CA10: variants seen among roughly 807,000 people sequenced by gnomAD.
The protein encoded by CA10 is carbonic anhydrase-related protein 10.
A neutral mutation model predicts 44.2 loss-of-function variants in CA10; 14 were observed. The ratio of observed to expected loss-of-function variants is 0.32; its 90% confidence interval spans 0.21 to 0.50. The LOEUF (loss-of-function observed/expected upper bound fraction) is 0.50. Ranked by LOEUF, CA10 falls within the 20% of genes least tolerant of loss-of-function variation. CA10 has a pLI of 0.99. For missense variants in CA10, 350 were observed against 409.7 expected, an observed-to-expected ratio of 0.85 and a Z score of 1.26; for synonymous variants, 159 against 141.6, an observed-to-expected ratio of 1.12 and a Z score of -0.87.
intron 3 of CA10, among the ~76,000 whole-genome samples, chr17:51,782,410 G>A (rs1004242992): frequency 1.3e-5 from 2 of 152,200 alleles, no homozygotes; most frequent in African/African-American, 4.8e-5. Context: ...GAACAGGTTT[G>A]ATACTAGGGA....
intron 3 of CA10, among the ~76,000 whole-genome samples, chr17:51,847,140 T>C (rs1483106018): frequency 4.6e-5 from 7 of 152,212 alleles, no homozygotes; most frequent in Non-Finnish European, 1.0e-4. Context: ...AAAGAGATTC[T>C]GAGTCTCACA....
intron 3 of CA10, among the ~76,000 whole-genome samples, chr17:51,868,556 C>T (rs747292770): frequency 2.0e-5 from 3 of 152,190 alleles, no homozygotes; most frequent in Admixed American, 6.5e-5. Context: ...GTTGATATGT[C>T]TCCTGATCTT....
At chr17:51,992,031 TTACTC>T (rs1985059986) in intron 2 of CA10, among the ~76,000 whole-genome samples, 1 of 152,044 alleles carries the variant, frequency 6.6e-6, no homozygotes, top group Non-Finnish European at 1.5e-5. Flanking sequence ...CATCCGTGAT[TTACTC>T]TACCACTCAA....
At chr17:52,149,016 C>A (rs1350727673) in intron 1 of CA10, among the ~76,000 whole-genome samples, 1 of 152,186 alleles carries the variant, frequency 6.6e-6, no homozygotes, top group East Asian at 1.9e-4. Flanking sequence ...GGAGGACAGG[C>A]CTATGCTCCC....
intron 1 of CA10, among the ~76,000 whole-genome samples, chr17:52,140,116 C>T (rs1206336869): frequency 6.6e-6 from 1 of 152,164 alleles, no homozygotes. Context: ...AAGAAACATA[C>T]AGAAATTTGG....
chr17:51,968,541 T>A (rs1157669812), intron 2 of CA10, among the ~76,000 whole-genome samples: 1 of 151,854 alleles, frequency 6.6e-6, no homozygotes, highest in African/African-American at 2.4e-5. Flanking sequence ...ACAGACACTA[T>A]AGAGACAGAC....
intron 4 of CA10, among the ~76,000 whole-genome samples, chr17:51,743,561 C>A (rs1294556740): frequency 6.6e-6 from 1 of 152,196 alleles, no homozygotes; most frequent in Non-Finnish European, 1.5e-5. Context: ...TACATCCATG[C>A]AGCTTTATAA....
intron 2 of CA10, among the ~76,000 whole-genome samples, chr17:51,982,923 C>T (rs1323158388): frequency 6.6e-6 from 1 of 151,760 alleles, no homozygotes; most frequent in Non-Finnish European, 1.5e-5. Flanking sequence ...TACCATCACT[C>T]CTAAAATTAG....
At chr17:51,764,173 G>A (rs145122107) in intron 3 of CA10, among the ~76,000 whole-genome samples, 1 of 152,186 alleles carries the variant, frequency 6.6e-6, no homozygotes, top group African/African-American at 2.4e-5. Flanking sequence ...TCTTATCATT[G>A]TCTCCTGACT....
intron 1 of CA10, among the ~76,000 whole-genome samples, chr17:52,085,193 C>T (rs1299153379): frequency 6.6e-6 from 1 of 152,176 alleles, no homozygotes; most frequent in Non-Finnish European, 1.5e-5. Context: ...TGCTATAGCT[C>T]TAATCCATTC....
chr17:52,073,730 T>G (rs1166493463), intron 1 of CA10, among the ~76,000 whole-genome samples: 1 of 152,134 alleles, frequency 6.6e-6, no homozygotes, highest in African/African-American at 2.4e-5. Flanking sequence ...CCATAGCCCT[T>G]GAGGAAGATC....
chr17:51,638,912 A>G (rs893394453), intron 6 of CA10, among the ~76,000 whole-genome samples: 1 of 151,894 alleles, frequency 6.6e-6, no homozygotes, highest in Non-Finnish European at 1.5e-5. Flanking sequence ...TCAAGGAAGG[A>G]GTGGTGTGTA....
intron 2 of CA10, among the ~76,000 whole-genome samples, chr17:51,943,077 C>G (rs758312493): frequency 1.1e-4 from 17 of 151,980 alleles, no homozygotes; most frequent in Non-Finnish European, 2.4e-4. Flanking sequence ...ATTTCAATAC[C>G]CCCAATAACA....
chr17:51,756,715 A>G (rs2143627710), intron 3 of CA10, among the ~76,000 whole-genome samples: 1 of 151,934 alleles, frequency 6.6e-6, no homozygotes, highest in South Asian at 2.1e-4. Context: ...TGACCTCATG[A>G]TCCGCCCGTC....
intron 2 of CA10, among the ~76,000 whole-genome samples, chr17:51,974,194 G>A (rs2144074960): frequency 6.6e-6 from 1 of 152,028 alleles, no homozygotes; most frequent in East Asian, 1.9e-4. Flanking sequence ...GACCATCCTG[G>A]CCAACATGGT....
intron 4 of CA10, among the ~76,000 whole-genome samples, chr17:51,656,375 G>C (rs56872631): frequency 0.19 from 28,875 of 152,116 alleles, 3,082 homozygotes; most frequent in South Asian, 0.31. Context: ...CAAGTACAGG[G>C]CTGAGGCTGT....
At chr17:51,829,040 T>G (rs936576034) in intron 3 of CA10, among the ~76,000 whole-genome samples, 4 of 152,206 alleles carry the variant, frequency 2.6e-5, no homozygotes, top group African/African-American at 9.6e-5. Context: ...CCAAGGTCAG[T>G]TCCAGCTCAT....
At chr17:51,971,094 G>C (rs1451685673) in intron 2 of CA10, among the ~76,000 whole-genome samples, 5 of 151,978 alleles carry the variant, frequency 3.3e-5, no homozygotes, top group African/African-American at 1.2e-4. Context: ...CTTTTGACTT[G>C]AATGGAATAT....
In CA10 at chr17:51,669,688, A is replaced by G. The variant is rs966458209; in HGVS notation, c.466-15952T>C. ...ACCACCTTTAAGAACTGTAACACTC[A>G]CTGCAAAGGCCTGCAGCTTCACTCC... On this transcript the variant is annotated intron_variant, in intron 4 of 8. Transcript: ENST00000451037. Among the ~76,000 whole-genome samples, 3 of 152,116 alleles carry G rather than the reference A, an allele frequency of 2.0e-5. No homozygotes were observed. In the East Asian group the frequency reaches 5.8e-4, roughly 29 times the overall value.
Sources: allele counts gnomAD v4.1 joint callset (sites outside exome capture counted in the v4.1 genomes callset), GRCh38; gene constraint gnomAD v4.1.1; transcripts MANE v1.5; gene names NCBI Gene and HGNC (gene_info 2026-07-23, HGNC 2026-07-21).